Variants in GATAD2B observed in about 807,000 individuals in gnomAD.
GATAD2B encodes GATA zinc finger domain containing 2B.
GATAD2B carries 8 observed loss-of-function variants against 64.3 expected under a neutral mutation model. The observed-to-expected ratio is 0.12, with a 90% CI of 0.07 to 0.22. GATAD2B has a LOEUF of 0.22. Ranked by LOEUF, GATAD2B falls within the 10% of genes least tolerant of loss-of-function variation. GATAD2B has a pLI of 1.00. For missense variants in GATAD2B, 453 were observed against 752.0 expected (o/e 0.60, Z 4.65); for synonymous variants, 281 against 271.3 (o/e 1.04, Z -0.35).
chr1:153,840,090 T>C (rs1675424595), intron 1 of GATAD2B, among the ~76,000 whole-genome samples: 1 of 136,914 alleles, frequency 7.3e-6, no homozygotes, highest in African/African-American at 2.7e-5. Context: ...TGGAGTGCAA[T>C]GGCACGATCT....
chr1:153,875,683 GAAAAAAAAA>G (rs11340415), intron 1 of GATAD2B, among the ~76,000 whole-genome samples: 5 of 78,392 alleles, frequency 6.4e-5, no homozygotes, highest in Non-Finnish European at 9.4e-5. Context: ...AGTTTGGAGG[GAAAAAAAAA>G]AAAAAAAAAA....
chr1:153,915,536 TTA>T (rs1342889732), intron 1 of GATAD2B, among the ~76,000 whole-genome samples: 1 of 151,940 alleles, frequency 6.6e-6, no homozygotes, highest in African/African-American at 2.4e-5. Context: ...GTGGCATTCT[TTA>T]TGAGATTCAG....
Position 153,824,053 on chromosome 1 carries a change from C to T in GATAD2B, c.335+3960G>A, listed in dbSNP as rs138598446. ...CAGTTTTGTTCATTCTTATACATCT[C>T]GGGGCTAAGTGGAAATAGCTGTCAG... On this transcript the variant is annotated intron_variant, in intron 2 of 10. Transcript: ENST00000368655. Among the ~76,000 whole-genome samples, 527 of 152,208 alleles carry T rather than the reference C, an allele frequency of 3.5e-3. 5 individuals carry two copies. Among genetic ancestry groups the T allele is most frequent in the South Asian group, 0.021 (101 of 4,826 alleles).
intron 1 of GATAD2B, among the ~76,000 whole-genome samples, chr1:153,861,092 C>G (rs1057317107): frequency 6.6e-6 from 1 of 152,128 alleles, no homozygotes; most frequent in African/African-American, 2.4e-5. Flanking sequence ...CTTCAGGCAG[C>G]AAACTTCAAG....
intron 2 of GATAD2B, among the ~76,000 whole-genome samples, chr1:153,824,190 G>C (rs907497711): frequency 6.6e-6 from 1 of 152,128 alleles, no homozygotes; most frequent in Non-Finnish European, 1.5e-5. Context: ...AAGTGGGGAG[G>C]ACTGCTTGAG....
intron 1 of GATAD2B, among the ~76,000 whole-genome samples, chr1:153,860,183 G>A (rs999720321): frequency 2.6e-5 from 4 of 151,230 alleles, no homozygotes; most frequent in African/African-American, 7.3e-5. Context: ...CCAAAGTGCT[G>A]GGATTACAGG....
Position 153,828,166 on chromosome 1 carries a change from T to G in GATAD2B, c.182A>C (p.His61Pro). 4 of 1,614,220 alleles carry G rather than the reference T, an allele frequency of 2.5e-6. No homozygotes were observed. Among genetic ancestry groups the G allele is most frequent in the Non-Finnish European group, 3.4e-6 (4 of 1,180,048 alleles). Residue 61 changes from histidine to proline, a missense_variant, in exon 2 of 11, where the codon CAT becomes CCT. Coordinates refer to ENST00000368655, the MANE Select transcript of GATAD2B (RefSeq NM_020699.4). ...GCCATCCTGTTTGGTGGGTAACTCA[T>G]GTGGCACCTCAAGATTTGCCAAATC... ...RKDLANLEVP[H>P]ELPTKQDGSG...
chr1:153,898,257 T>C (rs1677660103), intron 1 of GATAD2B, among the ~76,000 whole-genome samples: 1 of 133,382 alleles, frequency 7.5e-6, no homozygotes, highest in Admixed American at 9.0e-5. Context: ...TAGTGAGCTA[T>C]GACTGCACCA....
intron 1 of GATAD2B, among the ~76,000 whole-genome samples, chr1:153,860,881 A>G (rs1202765825): frequency 6.6e-6 from 1 of 151,952 alleles, no homozygotes; most frequent in Non-Finnish European, 1.5e-5. Context: ...TGAACTCCTG[A>G]CCTTAAGTGA....
intron 1 of GATAD2B, among the ~76,000 whole-genome samples, chr1:153,885,686 C>T (rs1177987332): frequency 1.3e-5 from 2 of 151,830 alleles, no homozygotes; most frequent in South Asian, 2.1e-4. Context: ...CATGGTGAAA[C>T]CCCATCTCTA....
At chr1:153,912,868 G>A (rs1439637038) in intron 1 of GATAD2B, among the ~76,000 whole-genome samples, 4 of 151,904 alleles carry the variant, frequency 2.6e-5, no homozygotes, top group Non-Finnish European at 2.9e-5. Flanking sequence ...CGAGGCAGGC[G>A]GATCACCTGA....
At chr1:153,869,364 T>C (rs545639671) in intron 1 of GATAD2B, among the ~76,000 whole-genome samples, 1 of 152,284 alleles carries the variant, frequency 6.6e-6, no homozygotes, top group African/African-American at 2.4e-5. Context: ...TTATTCCTTT[T>C]CTATTTATCA....
At chr1:153,911,351 AAAAG>A (rs879601969) in intron 1 of GATAD2B, among the ~76,000 whole-genome samples, 20 of 152,220 alleles carry the variant, frequency 1.3e-4, no homozygotes, top group South Asian at 2.1e-4. Flanking sequence ...AATAACCAAC[AAAAG>A]AAAGAGCTAA....
chr1:153,859,170 C>T (rs1345168979), intron 1 of GATAD2B, among the ~76,000 whole-genome samples: 2 of 152,076 alleles, frequency 1.3e-5, no homozygotes. Flanking sequence ...CAAGACCAGC[C>T]TGGGCAACAT....
intron 1 of GATAD2B, among the ~76,000 whole-genome samples, chr1:153,913,763 A>G (rs1678172238): frequency 1.3e-5 from 2 of 151,192 alleles, no homozygotes; most frequent in South Asian, 4.2e-4. Context: ...TTAAAAATAC[A>G]AAAAAAATTA....
At chr1:153,872,085 C>T (rs948065582) in intron 1 of GATAD2B, among the ~76,000 whole-genome samples, 3 of 151,946 alleles carry the variant, frequency 2.0e-5, no homozygotes, top group East Asian at 1.9e-4. Context: ...TGAGAGGCTG[C>T]GGTAGGCGGA....
chr1:153,862,721 ATTTC>A (rs1436105481), intron 1 of GATAD2B, among the ~76,000 whole-genome samples: 1 of 139,230 alleles, frequency 7.2e-6, no homozygotes, highest in African/African-American at 2.7e-5. Flanking sequence ...TCTCTACTTT[ATTTC>A]TTTTTTTTTT....
Position 153,809,334 on chromosome 1 carries a change from C to T in GATAD2B, c.*843G>A, listed in dbSNP as rs148141068. 6.6e-6 allele frequency: 1 copy of T among 152,276 alleles called. No homozygotes were observed. The highest frequency in any genetic ancestry group is 1.9e-4 in the East Asian group (1 of 5,180). 9.4% of individuals were successfully genotyped at this position (152,276 alleles called of 1,614,324 possible). ...GGTCAGGAGATCGGTCTTATTTCCC[C>T]AAGATACAGAAAGGCAGGACCTAGT... On this transcript the variant is annotated 3_prime_UTR_variant, in exon 11 of 11. Transcript: ENST00000368655.
chr1:153,892,037 C>T (rs1033646999), intron 1 of GATAD2B, among the ~76,000 whole-genome samples: 3 of 151,258 alleles, frequency 2.0e-5, no homozygotes, highest in Non-Finnish European at 4.4e-5. Flanking sequence ...CGGTGGCAGA[C>T]GCCTGTAGTC....
Sources: allele counts gnomAD v4.1 joint callset (sites outside exome capture counted in the v4.1 genomes callset), GRCh38; gene constraint gnomAD v4.1.1; transcripts MANE v1.5; gene names NCBI Gene and HGNC (gene_info 2026-07-23, HGNC 2026-07-21).